Variants in DSCAM observed in about 807,000 individuals in gnomAD.
The protein encoded by DSCAM is cell adhesion molecule DSCAM.
In DSCAM, 47 loss-of-function variants were observed where a neutral mutation model predicts 217.7. The ratio of observed to expected loss-of-function variants is 0.22; its 90% CI spans 0.17 to 0.28. DSCAM has a LOEUF of 0.28. Among genes scored for constraint, DSCAM ranks in the 10% least tolerant of loss-of-function variants. DSCAM has a pLI of 1.00. For synonymous variants in DSCAM, 1,056 were observed against 1,015.3 expected, an observed-to-expected ratio of 1.04 and a Z score of -0.76; for missense variants, 2,080 against 2,618.3, an observed-to-expected ratio of 0.79 and a Z score of 4.49.
chr21:40,225,072 G>A (rs535251612), intron 11 of DSCAM, among the ~76,000 whole-genome samples: 71 of 152,322 alleles, frequency 4.7e-4, no homozygotes, highest in African/African-American at 1.7e-3. Context: ...CTCAGGTTGT[G>A]TACTGGTAAA....
rs76346002 is a variant in DSCAM, at chr21:40,518,918, C to T, written c.509-149673G>A. 1.1e-3 allele frequency among the ~76,000 whole-genome samples: 164 copies of T among 152,014 alleles called. 1 individual carries two copies. Among genetic ancestry groups the T allele is most frequent in the African/African-American group, 3.8e-3 (157 of 41,444 alleles). ...ACACACCTAGGCTTTACTGTGTAGCCTATTGCTCCTAAGCTACTAACCCAT... is the reference window on the plus strand; with the variant it reads ...ACACACCTAGGCTTTACTGTGTAGCTTATTGCTCCTAAGCTACTAACCCAT... On this transcript the variant is annotated intron_variant, in intron 3 of 32. Transcript: ENST00000400454.
intron 3 of DSCAM, among the ~76,000 whole-genome samples, chr21:40,474,662 G>A (rs554609322): frequency 3.3e-5 from 5 of 152,246 alleles, no homozygotes; most frequent in Admixed American, 2.0e-4. Flanking sequence ...ACATGTCAGC[G>A]AATTACCTCA....
chr21:40,216,688 G>T (rs2091246544), intron 11 of DSCAM, among the ~76,000 whole-genome samples: 1 of 152,180 alleles, frequency 6.6e-6, no homozygotes, highest in African/African-American at 2.4e-5. Flanking sequence ...AGCAGATTTT[G>T]CACCTGGCAG....
At chr21:40,317,990 C>A (rs964256929) in intron 8 of DSCAM, among the ~76,000 whole-genome samples, 3 of 152,110 alleles carry the variant, frequency 2.0e-5, no homozygotes, top group Admixed American at 6.5e-5. Context: ...CATGTCCCTA[C>A]AAAGGACATG....
chr21:40,151,494 T>G (rs369620654), intron 16 of DSCAM, among the ~76,000 whole-genome samples: 1 of 152,208 alleles, frequency 6.6e-6, no homozygotes, highest in Non-Finnish European at 1.5e-5. Context: ...TATTTCCCCC[T>G]GTCTAAATCG....
At chr21:40,351,880 G>A (rs543225107) in intron 5 of DSCAM, among the ~76,000 whole-genome samples, 58 of 152,318 alleles carry the variant, frequency 3.8e-4, no homozygotes, top group African/African-American at 1.3e-3. Context: ...GGCTAAGAGA[G>A]TTGGGAAGTG....
intron 2 of DSCAM, 136 bp from the exon 3 acceptor site, chr21:40,693,092 C>A (rs1601854531): frequency 4.9e-6 from 5 of 1,030,110 alleles, no homozygotes; most frequent in Non-Finnish European, 2.7e-6. Context: ...AGTTAAGATG[C>A]CTACATTTCA....
At chr21:40,755,081 A>G (rs944373228) in intron 1 of DSCAM, among the ~76,000 whole-genome samples, 1 of 152,188 alleles carries the variant, frequency 6.6e-6, no homozygotes, top group African/African-American at 2.4e-5. Flanking sequence ...GAGTTCCCAC[A>G]ACATGGAAGA....
At chr21:40,288,372 T>C (rs2073852831) in intron 10 of DSCAM, among the ~76,000 whole-genome samples, 1 of 152,224 alleles carries the variant, frequency 6.6e-6, no homozygotes, top group Non-Finnish European at 1.5e-5. Flanking sequence ...TTTAAATTTA[T>C]GATCCTCCAA....
chr21:40,530,235 A>C (rs2076432637), intron 3 of DSCAM, among the ~76,000 whole-genome samples: 1 of 152,058 alleles, frequency 6.6e-6, no homozygotes, highest in South Asian at 2.1e-4. Context: ...TTTTAGAATA[A>C]TTTTCTTACC....
chr21:40,140,437 G>T (rs888286236), intron 18 of DSCAM, among the ~76,000 whole-genome samples: 4 of 152,190 alleles, frequency 2.6e-5, no homozygotes, highest in African/African-American at 9.7e-5. Context: ...ATACCAGCAG[G>T]CAATGCTAGC....
intron 3 of DSCAM, among the ~76,000 whole-genome samples, chr21:40,612,464 C>T (rs1186038821): frequency 6.6e-6 from 1 of 152,166 alleles, no homozygotes; most frequent in Non-Finnish European, 1.5e-5. Flanking sequence ...CAAATATCAG[C>T]TCATGAATGA....
At chr21:40,164,598 G>C (rs2090573952) in intron 16 of DSCAM, among the ~76,000 whole-genome samples, 3 of 152,168 alleles carry the variant, frequency 2.0e-5, no homozygotes, top group East Asian at 1.9e-4. Context: ...AGGAGTTCAA[G>C]ACCAGCCTGG....
At chr21:40,170,369 T>C (rs2090643356) in intron 15 of DSCAM, among the ~76,000 whole-genome samples, 1 of 152,186 alleles carries the variant, frequency 6.6e-6, no homozygotes, top group African/African-American at 2.4e-5. Flanking sequence ...TTGCTTTGAA[T>C]GGGTAAAGCA....
At chr21:40,366,059 T>A (rs1326924108) in intron 4 of DSCAM, among the ~76,000 whole-genome samples, 1 of 152,200 alleles carries the variant, frequency 6.6e-6, no homozygotes, top group Non-Finnish European at 1.5e-5. Flanking sequence ...TTTCTGGCTG[T>A]CTAAATGATA....
Position 40,708,729 on chromosome 21 carries a change from G to T in DSCAM, c.86C>A (p.Ala29Glu). Reference protein sequence around the residue: ...DLHSSLYFVNASLQEVVFAST... With the variant: ...DLHSSLYFVNESLQEVVFAST... ...GGCAAACACTACCTCTTGCAGAGAT[G>T]CATTGACAAAGTAGAGGCTGGAGTG... The change falls in exon 2 of 33, where the codon GCA becomes GAA. Residue 29 changes from alanine to glutamate, a missense_variant. Around this residue, in one of 5 missense-constraint regions of DSCAM, gnomAD observed 568 missense variants for 678.1 expected, o/e 0.84. Coordinates refer to ENST00000400454, the MANE Select transcript of DSCAM (RefSeq NM_001389.5). 6.2e-7 allele frequency: 1 copy of T among 1,603,850 alleles called. No individual in the cohort carries two copies. Among genetic ancestry groups the T allele is most frequent in the Non-Finnish European group, 8.5e-7 (1 of 1,174,508 alleles).
At chr21:40,152,841 C>T (rs1178025142) in intron 16 of DSCAM, among the ~76,000 whole-genome samples, 2 of 152,020 alleles carry the variant, frequency 1.3e-5, no homozygotes, top group African/African-American at 4.8e-5. Context: ...CTGAAGACCA[C>T]CAGCCATGTT....
At chr21:40,344,964 CTTCT>C (rs1476118683) in intron 6 of DSCAM, among the ~76,000 whole-genome samples, 1 of 152,122 alleles carries the variant, frequency 6.6e-6, no homozygotes, top group Non-Finnish European at 1.5e-5. Flanking sequence ...TCTTTGCAGT[CTTCT>C]TTCTCTCCAT....
intron 11 of DSCAM, among the ~76,000 whole-genome samples, chr21:40,213,545 T>A (rs2091207810): frequency 6.6e-6 from 1 of 152,188 alleles, no homozygotes; most frequent in Non-Finnish European, 1.5e-5. Flanking sequence ...GAGCAACACA[T>A]GATTGTAGAA....
Sources: gnomAD v4.1 joint callset for allele counts (sites outside exome capture counted in the v4.1 genomes callset) on GRCh38, gnomAD v4.1.1 for gene constraint, gnomAD v4.1.1 regional missense constraint, MANE v1.5 for transcripts, NCBI Gene and HGNC (gene_info 2026-07-23, HGNC 2026-07-21) for gene names.